ERBB4: variants seen among roughly 807,000 people sequenced by gnomAD.
ERBB4 encodes the protein receptor tyrosine-protein kinase erbB-4.
ERBB4 carries 42 observed loss-of-function variants against 158.0 expected under a neutral mutation model. The observed-to-expected ratio is 0.27, with a 90% CI of 0.21 to 0.34. The LOEUF is 0.34. Ranked by LOEUF, ERBB4 falls within the 10% of genes least tolerant of loss-of-function variation. The pLI is 1.00. For synonymous variants in ERBB4, 583 were observed against 558.7 expected (o/e 1.04, Z -0.61); for missense variants, 1,333 against 1,624.1 (o/e 0.82, Z 3.08).
Position 211,594,061 on chromosome 2 carries a change from A to G in ERBB4, c.2301+25116T>C, listed in dbSNP as rs553265086. On this transcript the variant is annotated intron_variant, in intron 19 of 27. Coordinates refer to ENST00000342788, the MANE Select transcript of ERBB4 (RefSeq NM_005235.3). Reference sequence around the variant, plus strand: ...CTGTTAATCCCAAAGTCATTCTCCAATAACATTTTGCACACTAAATTCCAT... The same window carrying G: ...CTGTTAATCCCAAAGTCATTCTCCAGTAACATTTTGCACACTAAATTCCAT... 7.2e-5 allele frequency among the ~76,000 whole-genome samples: 11 copies of G among 152,186 alleles called. No individual in the cohort carries two copies. The East Asian group carries it at 1.4e-3, about 19-fold the overall frequency.
intron 20 of ERBB4, among the ~76,000 whole-genome samples, chr2:211,455,058 T>G (rs937904987): frequency 1.3e-5 from 2 of 152,262 alleles, no homozygotes; most frequent in African/African-American, 4.8e-5. Context: ...ATGTGCTTTA[T>G]CTTCAACGGT....
intron 3 of ERBB4, among the ~76,000 whole-genome samples, chr2:211,845,422 T>C (rs2077565361): frequency 6.6e-6 from 1 of 152,154 alleles, no homozygotes; most frequent in Admixed American, 6.6e-5. Context: ...GGCTGAGTAT[T>C]ATTCCCAGAT....
At chr2:211,928,731 T>C (rs2080087536) in intron 3 of ERBB4, among the ~76,000 whole-genome samples, 2 of 152,180 alleles carry the variant, frequency 1.3e-5, no homozygotes, top group South Asian at 4.1e-4. Flanking sequence ...CAAAACTATG[T>C]CTGTCTTGTG....
intron 3 of ERBB4, among the ~76,000 whole-genome samples, chr2:211,946,022 A>C (rs1228875232): frequency 6.6e-6 from 1 of 152,006 alleles, no homozygotes; most frequent in African/African-American, 2.4e-5. Flanking sequence ...TACACATTTC[A>C]TTTCCAAAAT....
At chr2:211,945,002 T>G (rs72933781) in intron 3 of ERBB4, among the ~76,000 whole-genome samples, 4,416 of 152,242 alleles carry the variant, frequency 0.029, 97 homozygotes, top group South Asian at 0.055. Flanking sequence ...CTGCACTTAA[T>G]AGAATATAAA....
chr2:212,144,018 CAA>C (rs58331172), intron 1 of ERBB4, among the ~76,000 whole-genome samples: 5 of 114,438 alleles, frequency 4.4e-5, no homozygotes, highest in Non-Finnish European at 3.9e-5. Flanking sequence ...GACTTCATCT[CAA>C]AAAAAAAAAA....
rs112973598 is a variant in ERBB4, at chr2:211,653,955, T to C, written c.1946+3799A>G. On this transcript the variant is annotated intron_variant, in intron 16 of 27. Coordinates refer to ENST00000342788, the MANE Select transcript of ERBB4 (RefSeq NM_005235.3). ...TCCCAAAGTGCTGGGATTACAGGTA[T>C]GAGCCACCGCGCCCTGCCCAAAACA... is the stretch of plus-strand genomic sequence containing the variant. 4.1e-4 allele frequency among the ~76,000 whole-genome samples: 62 copies of C among 152,188 alleles called. 1 individual carries two copies. Among genetic ancestry groups the C allele is most frequent in the Non-Finnish European group, 7.2e-4 (49 of 68,028 alleles).
chr2:211,623,850 A>C, intron 18 of ERBB4, 72 bp downstream of exon 18: 1 of 1,454,364 alleles, frequency 6.9e-7, no homozygotes, highest in South Asian at 1.2e-5. Flanking sequence ...TAAAGTAATA[A>C]CTCCATTGGC....
chr2:211,949,664 G>T (rs1271787185), intron 2 of ERBB4, among the ~76,000 whole-genome samples: 1 of 152,062 alleles, frequency 6.6e-6, no homozygotes, highest in Non-Finnish European at 1.5e-5. Flanking sequence ...GAAAAGTATA[G>T]TTCTACCTTA....
At chr2:212,527,305 A>G (rs1366122471) in intron 1 of ERBB4, among the ~76,000 whole-genome samples, 1 of 152,190 alleles carries the variant, frequency 6.6e-6, no homozygotes, top group Non-Finnish European at 1.5e-5. Context: ...GGTACTTTAC[A>G]GTGTGATTTT....
At chr2:211,948,681 A>G (rs914312712) in intron 2 of ERBB4, among the ~76,000 whole-genome samples, 1 of 152,104 alleles carries the variant, frequency 6.6e-6, no homozygotes, top group African/African-American at 2.4e-5. Context: ...AAAATGATAA[A>G]AAAAATACTC....
chr2:211,933,885 A>G (rs1293913522), intron 3 of ERBB4, among the ~76,000 whole-genome samples: 1 of 152,022 alleles, frequency 6.6e-6, no homozygotes, highest in African/African-American at 2.4e-5. Flanking sequence ...TGCTAAATTT[A>G]AGTGTAGTGT....
chr2:212,399,432 T>G (rs1560213583), intron 1 of ERBB4, among the ~76,000 whole-genome samples: 1 of 151,134 alleles, frequency 6.6e-6, no homozygotes, highest in Non-Finnish European at 1.5e-5. Context: ...TTGTTTATGA[T>G]GAAATGTGAT....
intron 1 of ERBB4, among the ~76,000 whole-genome samples, chr2:212,301,911 A>C (rs752701117): frequency 1.3e-5 from 2 of 151,504 alleles, no homozygotes; most frequent in African/African-American, 2.4e-5. Flanking sequence ...ACAACTTTTA[A>C]GATAAAAGAC....
intron 3 of ERBB4, among the ~76,000 whole-genome samples, chr2:211,922,079 C>A (rs983467196): frequency 5.9e-5 from 9 of 152,030 alleles, no homozygotes; most frequent in African/African-American, 2.2e-4. Context: ...AAAACTTAGA[C>A]TAACATCATC....
chr2:211,720,205 T>C (rs2074049602), intron 7 of ERBB4, among the ~76,000 whole-genome samples: 1 of 152,250 alleles, frequency 6.6e-6, no homozygotes, highest in South Asian at 2.1e-4. Flanking sequence ...AAACTGAGGA[T>C]GCAAGCTTTT....
intron 3 of ERBB4, among the ~76,000 whole-genome samples, chr2:211,943,566 A>G (rs1348993601): frequency 6.6e-6 from 1 of 152,064 alleles, no homozygotes; most frequent in East Asian, 1.9e-4. Context: ...GAAGAAAGTA[A>G]GGCAGTGTTA....
chr2:211,614,134 C>T (rs756415076), intron 19 of ERBB4, among the ~76,000 whole-genome samples: 52 of 151,800 alleles, frequency 3.4e-4, no homozygotes, highest in Non-Finnish European at 6.3e-4. Flanking sequence ...TGGATAGAAC[C>T]GGAGATCATT....
chr2:211,517,660 G>T (rs1017360346), intron 20 of ERBB4, among the ~76,000 whole-genome samples: 1 of 152,088 alleles, frequency 6.6e-6, no homozygotes, highest in Non-Finnish European at 1.5e-5. Flanking sequence ...CTGGCTAGGA[G>T]AAGATGAAAT....
Sources: gnomAD v4.1 joint callset for allele counts (sites outside exome capture counted in the v4.1 genomes callset) on GRCh38, gnomAD v4.1.1 for gene constraint, MANE v1.5 for transcripts, NCBI Gene and HGNC (gene_info 2026-07-23, HGNC 2026-07-21) for gene names.